Variants in ADAMTS12 observed in about 807,000 individuals in gnomAD.
ADAMTS12 encodes ADAM metallopeptidase with thrombospondin type 1 motif 12.
A neutral mutation model predicts 167.8 loss-of-function variants in ADAMTS12; 118 were observed. The observed-to-expected ratio is 0.70, with a 90% confidence interval of 0.61 to 0.82. ADAMTS12 has a LOEUF of 0.82. Among genes scored for constraint, ADAMTS12 ranks in the 40% least tolerant of loss-of-function variants. ADAMTS12 has a pLI of 0.00. For synonymous variants in ADAMTS12, 704 were observed against 716.9 expected, an observed-to-expected ratio of 0.98 and a Z score of 0.29; for missense variants, 1,916 against 1,998.8, an observed-to-expected ratio of 0.96 and a Z score of 0.79.
chr5:33,810,171 G>T (rs892209549), intron 2 of ADAMTS12, among the ~76,000 whole-genome samples: 3 of 151,990 alleles, frequency 2.0e-5, no homozygotes, highest in South Asian at 2.1e-4. Flanking sequence ...TCTAGAGAAC[G>T]CTACTGGGTA....
chr5:33,639,556 G>A (rs1162709434), intron 11 of ADAMTS12, among the ~76,000 whole-genome samples: 1 of 152,188 alleles, frequency 6.6e-6, no homozygotes, highest in South Asian at 2.1e-4. Context: ...GGCATGTCGA[G>A]CGAGCAGTCC....
At chr5:33,602,779 C>T (rs1738252447) in intron 16 of ADAMTS12, among the ~76,000 whole-genome samples, 1 of 152,178 alleles carries the variant, frequency 6.6e-6, no homozygotes, top group Admixed American at 6.5e-5. Flanking sequence ...TTGGATAAAT[C>T]CTGTAGGAAC....
chr5:33,650,247 C>A (rs192023030), intron 7 of ADAMTS12, among the ~76,000 whole-genome samples: 1 of 152,250 alleles, frequency 6.6e-6, no homozygotes, highest in African/African-American at 2.4e-5. Flanking sequence ...GACAGATGAT[C>A]TGTATTTGAA....
chr5:33,549,096 T>C (rs2111829888), intron 21 of ADAMTS12, 111 bp downstream of exon 21: 1 of 1,354,946 alleles, frequency 7.4e-7, no homozygotes, highest in Non-Finnish European at 1.0e-6. Context: ...AGGCCAGTCA[T>C]TGGCAGGACA....
intron 2 of ADAMTS12, among the ~76,000 whole-genome samples, chr5:33,810,273 G>A (rs1747405487): frequency 6.6e-6 from 1 of 152,104 alleles, no homozygotes; most frequent in Non-Finnish European, 1.5e-5. Context: ...CCTTTCAAGA[G>A]GATTTTTGAG....
chr5:33,816,923 C>G (rs571004631), intron 2 of ADAMTS12, among the ~76,000 whole-genome samples: 1 of 152,276 alleles, frequency 6.6e-6, no homozygotes, highest in Admixed American at 6.5e-5. Context: ...CATTTCCAAA[C>G]AAGTTTCCAA....
intron 16 of ADAMTS12, among the ~76,000 whole-genome samples, chr5:33,607,272 T>C (rs1738495428): frequency 6.6e-6 from 1 of 151,490 alleles, no homozygotes; most frequent in South Asian, 2.1e-4. Flanking sequence ...AAGTGAAACA[T>C]CTGGAAAGGA....
chr5:33,696,157 C>T (rs1742752059), intron 3 of ADAMTS12, among the ~76,000 whole-genome samples: 2 of 152,114 alleles, frequency 1.3e-5, no homozygotes, highest in Non-Finnish European at 2.9e-5. Context: ...CGTCGTGGCT[C>T]ATGCCTGTAA....
chr5:33,537,758 C>G (rs1283006084), intron 22 of ADAMTS12, among the ~76,000 whole-genome samples: 1 of 152,166 alleles, frequency 6.6e-6, no homozygotes, highest in Non-Finnish European at 1.5e-5. Flanking sequence ...TTTGACACAG[C>G]ATTAGAGTGG....
At chr5:33,667,708 C>T (rs1018878276) in intron 5 of ADAMTS12, among the ~76,000 whole-genome samples, 8 of 152,264 alleles carry the variant, frequency 5.3e-5, no homozygotes, top group African/African-American at 1.7e-4. Context: ...ATATATGTAT[C>T]GTCTATCTTC....
At chr5:33,670,199 G>A (rs941615832) in intron 5 of ADAMTS12, among the ~76,000 whole-genome samples, 3 of 151,444 alleles carry the variant, frequency 2.0e-5, no homozygotes, top group Non-Finnish European at 4.4e-5. Flanking sequence ...AAAGAGACAC[G>A]TCACCAAGGA....
In ADAMTS12 at chr5:33,738,322, G is replaced by C. The variant is rs193284325; in HGVS notation, c.634+13082C>G. Among the ~76,000 whole-genome samples, 24 of 150,978 alleles carry C rather than the reference G, an allele frequency of 1.6e-4. No homozygotes were observed. The East Asian group carries it at 4.7e-3, about 29-fold the overall frequency. On this transcript the variant is annotated intron_variant, in intron 3 of 23. Transcript: ENST00000504830. ...CTGCCCTTTGATTTTTTTTTTGTTT[G>C]TTTGGTTACTCAGGCATAAAGTACA...
intron 19 of ADAMTS12, among the ~76,000 whole-genome samples, chr5:33,574,070 T>G (rs571521663): frequency 0.011 from 1,623 of 151,988 alleles, 32 homozygotes; most frequent in African/African-American, 0.037. Context: ...CCAGTTAGAA[T>G]GGCAATCATT....
chr5:33,603,698 T>C (rs1038977933), intron 16 of ADAMTS12: 3 of 152,214 alleles, frequency 2.0e-5, no homozygotes, highest in Non-Finnish European at 4.4e-5. Flanking sequence ...GACTATTGTC[T>C]TGCCAGTTTT....
chr5:33,847,869 T>C (rs539370091), intron 2 of ADAMTS12, among the ~76,000 whole-genome samples: 1 of 152,166 alleles, frequency 6.6e-6, no homozygotes, highest in African/African-American at 2.4e-5. Context: ...TCACCAAAGA[T>C]CTGTCACAGG....
chr5:33,869,753 G>A (rs1749964756), intron 2 of ADAMTS12, among the ~76,000 whole-genome samples: 1 of 152,162 alleles, frequency 6.6e-6, no homozygotes, highest in African/African-American at 2.4e-5. Flanking sequence ...GAAGATCCAT[G>A]TCCCACTGGG....
At chr5:33,616,231 T>C (rs1433596098) in intron 14 of ADAMTS12, among the ~76,000 whole-genome samples, 159 bp from the exon 15 acceptor site, 2 of 152,140 alleles carry the variant, frequency 1.3e-5, no homozygotes, top group Non-Finnish European at 2.9e-5. Context: ...TTATGGGGGA[T>C]TTTCGAGAAC....
At chr5:33,632,876 T>G (rs1260051109) in intron 12 of ADAMTS12, among the ~76,000 whole-genome samples, 1 of 152,030 alleles carries the variant, frequency 6.6e-6, no homozygotes. Flanking sequence ...CTGGGAAGAG[T>G]TGGGACCAGA....
In ADAMTS12 at chr5:33,616,850, T is replaced by C. The variant is rs116699623; in HGVS notation, c.2144-778A>G. Among the ~76,000 whole-genome samples, 1,419 of 152,344 alleles carry C rather than the reference T, an allele frequency of 9.3e-3. 17 individuals carry two copies. Among genetic ancestry groups the C allele is most frequent in the African/African-American group, 0.033 (1,353 of 41,570 alleles). ...TATTATTCCTGTTTAATGGTCATTA[T>C]GGTAAGAGGCATACTGGTGAAAAAA... On this transcript the variant is annotated intron_variant, in intron 14 of 23. Coordinates refer to ENST00000504830, the MANE Select transcript of ADAMTS12 (RefSeq NM_030955.4).
Sources: gnomAD v4.1 joint callset for allele counts (sites outside exome capture counted in the v4.1 genomes callset) on GRCh38, gnomAD v4.1.1 for gene constraint, MANE v1.5 for transcripts, NCBI Gene and HGNC (gene_info 2026-07-23, HGNC 2026-07-21) for gene names.